GALNT14: variants seen among roughly 807,000 people sequenced by gnomAD.
The protein encoded by GALNT14 is UDP-GalNAc:polypeptide N-acetylgalactosaminyltransferase 14.
GALNT14 carries 60 observed loss-of-function variants against 77.5 expected under a neutral mutation model. The ratio of observed to expected loss-of-function variants is 0.77; its 90% CI spans 0.63 to 0.96. The LOEUF is 0.96. Ranked by LOEUF, GALNT14 falls within the 40% of genes least tolerant of loss-of-function variation. The pLI is 0.00. For synonymous variants in GALNT14, 280 were observed against 281.7 expected (o/e 0.99, Z 0.06); for missense variants, 710 against 731.0 (o/e 0.97, Z 0.33).
At chr2:30,943,135 G>A (rs928805676) in intron 8 of GALNT14, among the ~76,000 whole-genome samples, 2 of 152,152 alleles carry the variant, frequency 1.3e-5, no homozygotes, top group Admixed American at 6.6e-5. Flanking sequence ...ACTGCGGGAC[G>A]ATACATTTCT....
In GALNT14 at chr2:30,910,687, T is replaced by C. The variant is rs978688577; in HGVS notation, c.*214A>G. On this transcript the variant is annotated 3_prime_UTR_variant, in exon 15 of 15. Transcript: ENST00000349752. ...GGCCAGGACTGGAACTTAACGGCCT[T>C]GAGAACATGTGGGATTTGTCTTTGA... is the stretch of plus-strand genomic sequence containing the variant. 3 of 517,590 alleles carry C rather than the reference T, an allele frequency of 5.8e-6. No individual in the cohort carries two copies. The Admixed American group carries it at 1.1e-4, about 19-fold the overall frequency. The allele number at this position is 517,590 out of a possible 1,614,324, so 32.1% of individuals were successfully genotyped here. A position where few individuals can be genotyped will look rare whatever the true frequency, so the allele number is the denominator to read the frequency against.
intron 1 of GALNT14, among the ~76,000 whole-genome samples, chr2:31,021,394 T>C (rs1671708724): frequency 1.3e-5 from 2 of 150,056 alleles, no homozygotes; most frequent in South Asian, 2.1e-4. Context: ...AACCTCCGCC[T>C]CCTGGGTTCA....
chr2:31,030,874 C>G (rs1672363152), intron 1 of GALNT14, among the ~76,000 whole-genome samples: 1 of 152,180 alleles, frequency 6.6e-6, no homozygotes, highest in Admixed American at 6.5e-5. Context: ...AAGGCTCAGA[C>G]CCATCAGCAA....
chr2:31,114,878 C>A, intron 1 of GALNT14: 1 of 707,862 alleles, frequency 1.4e-6, no homozygotes, highest in Non-Finnish European at 2.6e-6. Context: ...ACAGAGAGAA[C>A]AGGTAACTAA....
chr2:31,075,313 T>C (rs1675696516), intron 1 of GALNT14, among the ~76,000 whole-genome samples: 1 of 152,180 alleles, frequency 6.6e-6, no homozygotes, highest in Non-Finnish European at 1.5e-5. Context: ...CTTTCCTTTA[T>C]AAAGTGCCCA....
chr2:31,085,106 T>G (rs1381256722), intron 1 of GALNT14, among the ~76,000 whole-genome samples: 1 of 152,046 alleles, frequency 6.6e-6, no homozygotes, highest in African/African-American at 2.4e-5. Context: ...GGGAACATCA[T>G]TCAAGCACAT....
chr2:31,120,170 A>T lies in GALNT14; in HGVS notation c.129+17788T>A, dbSNP rs1010091371. The stretch of plus-strand genomic sequence containing the variant: ...GACTCCGTCTCAAAAAAAAAAAAAA[A>T]AAAAAAAAATAATGAGCTAGCTGAC... On this transcript the variant is annotated intron_variant, in intron 1 of 14. Transcript: ENST00000349752. Among the ~76,000 whole-genome samples, 260 of 74,802 alleles carry T rather than the reference A, an allele frequency of 3.5e-3. 41 individuals are homozygous for T. In the East Asian group the frequency reaches 0.064, roughly 18 times the overall value. The allele number at this position is 74,802 out of a possible 152,430, so 49.1% of individuals were successfully genotyped here.
chr2:30,916,076 G>C (rs1664661735), intron 13 of GALNT14, among the ~76,000 whole-genome samples: 1 of 152,188 alleles, frequency 6.6e-6, no homozygotes. Flanking sequence ...CAGGAGACAA[G>C]ATAAGAGTAA....
intron 13 of GALNT14, among the ~76,000 whole-genome samples, chr2:30,920,975 A>G (rs1185087993): frequency 6.6e-6 from 1 of 152,190 alleles, no homozygotes; most frequent in African/African-American, 2.4e-5. Context: ...GAGGAGGGGC[A>G]TCTCAGTACC....
intron 1 of GALNT14, chr2:31,132,627 G>A (rs1173345728): frequency 4.5e-6 from 2 of 449,110 alleles, no homozygotes; most frequent in East Asian, 1.4e-4. Flanking sequence ...AAAGAGAACT[G>A]ACCTAACAGA....
chr2:30,926,790 G>A (rs1440978509), intron 11 of GALNT14, among the ~76,000 whole-genome samples: 1 of 152,044 alleles, frequency 6.6e-6, no homozygotes, highest in Admixed American at 6.6e-5. Flanking sequence ...CAGCGAAAGA[G>A]GACAGTCCAG....
intron 1 of GALNT14, among the ~76,000 whole-genome samples, chr2:31,129,873 C>A (rs1320168736): frequency 6.6e-6 from 1 of 152,182 alleles, no homozygotes; most frequent in Non-Finnish European, 1.5e-5. Context: ...TTGGAGAGAG[C>A]TCGTCAAGAG....
At chr2:30,901,686 T>C in the GALNT14 span, among the ~76,000 whole-genome samples, 7 of 152,114 alleles carry the variant, frequency 4.6e-5, no homozygotes, top group African/African-American at 1.7e-4. Context: ...TGTGTGTATA[T>C]ATATGTGTGT....
intron 9 of GALNT14, among the ~76,000 whole-genome samples, chr2:30,933,463 CCT>C (rs1295075472): frequency 6.6e-6 from 1 of 152,182 alleles, no homozygotes; most frequent in African/African-American, 2.4e-5. Flanking sequence ...CTCTCATTCC[CCT>C]GTCCCCAGCC....
chr2:30,911,912 G>A (rs1007246825), intron 14 of GALNT14, among the ~76,000 whole-genome samples: 10 of 152,194 alleles, frequency 6.6e-5, no homozygotes, highest in African/African-American at 2.2e-4. Context: ...TTGTGACCCT[G>A]AGATCCTTGT....
At chr2:30,975,809 G>A (rs140285322) in intron 2 of GALNT14, among the ~76,000 whole-genome samples, 2 of 152,224 alleles carry the variant, frequency 1.3e-5, no homozygotes, top group Non-Finnish European at 2.9e-5. Context: ...TTAAGTTCGT[G>A]ACATTTTACT....
intron 1 of GALNT14, among the ~76,000 whole-genome samples, chr2:31,071,257 T>A (rs978455283): frequency 2.6e-5 from 4 of 151,892 alleles, no homozygotes; most frequent in South Asian, 4.2e-4. Context: ...GAAATAAAAA[T>A]TTTTTTTAAA....
intron 1 of GALNT14, among the ~76,000 whole-genome samples, chr2:31,083,057 T>A (rs1676234745): frequency 6.6e-6 from 1 of 151,982 alleles, no homozygotes; most frequent in Non-Finnish European, 1.5e-5. Flanking sequence ...TCTACTACTA[T>A]TAATAATAAT....
At chr2:31,083,031 G>GA (rs1676233424) in intron 1 of GALNT14, among the ~76,000 whole-genome samples, 1 of 151,988 alleles carries the variant, frequency 6.6e-6, no homozygotes, top group South Asian at 2.1e-4. Flanking sequence ...AAAAGAAAAA[G>GA]AAAAAAACAA....
Sources: allele counts gnomAD v4.1 joint callset (sites outside exome capture counted in the v4.1 genomes callset), GRCh38; gene constraint gnomAD v4.1.1; transcripts MANE v1.5; gene names NCBI Gene and HGNC (gene_info 2026-07-23, HGNC 2026-07-21).